The following SNX29 variants were observed in gnomAD, a reference collection of about 807,000 sequenced individuals.
SNX29 encodes sorting nexin 29, also known as sorting nexin-29.
In SNX29, 78 loss-of-function variants were observed where a neutral mutation model predicts 102.1. That is an observed-to-expected ratio of 0.76 (90% CI 0.64 to 0.92). SNX29 has a LOEUF of 0.92. Ranked by LOEUF, SNX29 falls within the 40% of genes least tolerant of loss-of-function variation. The pLI is 0.00. For synonymous variants in SNX29, 580 were observed against 414.5 expected, an observed-to-expected ratio of 1.40 and a Z score of -4.85; for missense variants, 1,280 against 1,061.7, an observed-to-expected ratio of 1.21 and a Z score of -2.86.
rs144564866 is a variant in SNX29, at chr16:12,502,569, A to C, written c.2179-22133A>C. Reference sequence around the variant, plus strand: ...CCTCATTCCCAGCCCTGTTTTACAGATAGGGAAACTGAGGTTCAGAGTGGC... The same window carrying C: ...CCTCATTCCCAGCCCTGTTTTACAGCTAGGGAAACTGAGGTTCAGAGTGGC... On this transcript the variant is annotated intron_variant, in intron 19 of 20. Coordinates refer to ENST00000566228, the MANE Select transcript of SNX29 (RefSeq NM_032167.5). Among the ~76,000 whole-genome samples the C allele has an allele frequency of 1.1e-3, 163 of 152,218 alleles. No individual in the cohort carries two copies. In the Middle Eastern group the frequency reaches 0.024, roughly 22 times the overall value.
intron 3 of SNX29, among the ~76,000 whole-genome samples, chr16:12,004,307 C>G (rs1292283461): frequency 6.6e-6 from 1 of 151,530 alleles, no homozygotes; most frequent in Non-Finnish European, 1.5e-5. Context: ...CGCCACTGTA[C>G]TCTAGCCTGG....
At chr16:12,393,396 GCATGCATGCATGCATGCATTCATTCATT>G (rs1024466050) in intron 16 of SNX29, among the ~76,000 whole-genome samples, 1 of 122,400 alleles carries the variant, frequency 8.2e-6, no homozygotes. Context: ...ATTCATTCAT[GCATGCATGCATGCATGCATTCATTCATT>G]CATTCATTCA....
At chr16:12,141,716 C>T (rs1330123488) in intron 13 of SNX29, among the ~76,000 whole-genome samples, 1 of 152,208 alleles carries the variant, frequency 6.6e-6, no homozygotes, top group African/African-American at 2.4e-5. Flanking sequence ...CCTTAGCATG[C>T]TTATGCATTC....
intron 14 of SNX29, among the ~76,000 whole-genome samples, chr16:12,259,006 C>T (rs1015393555): frequency 1.3e-5 from 2 of 152,244 alleles, no homozygotes; most frequent in African/African-American, 4.8e-5. Context: ...AGACAGAGAG[C>T]TGGATTCAGC....
chr16:12,526,499 C>T (rs1324696745), intron 20 of SNX29: 5 of 498,928 alleles, frequency 1.0e-5, no homozygotes, highest in Non-Finnish European at 1.6e-5. Context: ...GAATAGAAAA[C>T]AGTTTCTAGA....
chr16:12,113,959 G>A (rs2053591127), intron 11 of SNX29, among the ~76,000 whole-genome samples: 2 of 152,264 alleles, frequency 1.3e-5, no homozygotes, highest in Non-Finnish European at 2.9e-5. Flanking sequence ...TTTTGTAGAT[G>A]TAACATCTGA....
intron 14 of SNX29, among the ~76,000 whole-genome samples, chr16:12,272,066 A>C (rs1290562175): frequency 1.3e-5 from 2 of 152,208 alleles, no homozygotes; most frequent in Non-Finnish European, 1.5e-5. Flanking sequence ...AGGTAGTTGC[A>C]GGGGAAGGTT....
chr16:12,545,231 G>T (rs573381136), intron 20 of SNX29, among the ~76,000 whole-genome samples: 3 of 152,340 alleles, frequency 2.0e-5, no homozygotes, highest in South Asian at 2.1e-4. Context: ...GACAGGGAAA[G>T]GGCCTCTGTT....
At chr16:12,107,660 AAAG>A (rs1294436343) in intron 11 of SNX29, among the ~76,000 whole-genome samples, 1 of 151,530 alleles carries the variant, frequency 6.6e-6, no homozygotes, top group East Asian at 1.9e-4. Context: ...AAAACAAAAA[AAAG>A]AGGAGTTGCT....
chr16:12,285,761 G>T (rs2079573880), intron 15 of SNX29, among the ~76,000 whole-genome samples: 1 of 152,118 alleles, frequency 6.6e-6, no homozygotes, highest in South Asian at 2.1e-4. Flanking sequence ...TAAAATACTG[G>T]ATTTTTTATA....
At chr16:12,209,830 T>G (rs1385878765) in intron 14 of SNX29, among the ~76,000 whole-genome samples, 1 of 152,188 alleles carries the variant, frequency 6.6e-6, no homozygotes, top group Non-Finnish European at 1.5e-5. Flanking sequence ...GGCATGACTT[T>G]AGGACACTGG....
intron 19 of SNX29, among the ~76,000 whole-genome samples, chr16:12,508,275 G>T (rs1184228256): frequency 6.6e-6 from 1 of 152,170 alleles, no homozygotes; most frequent in Non-Finnish European, 1.5e-5. Context: ...GGGCGAGCTG[G>T]GCCCCATGCT....
At position 12,539,797 on chromosome 16, in the gene SNX29, A is replaced by G. The variant is rs76743428; in HGVS notation, c.2318+14956A>G. On this transcript the variant is annotated intron_variant, in intron 20 of 20. Transcript: ENST00000566228. ...CCTAATGAGTAATGATGTTGAGCATATTTTCATGTGGATGTTTTCCTTTAA... is the reference window on the plus strand; with the variant it reads ...CCTAATGAGTAATGATGTTGAGCATGTTTTCATGTGGATGTTTTCCTTTAA... 2.6e-5 allele frequency among the ~76,000 whole-genome samples: 4 copies of G among 152,266 alleles called. No individual in the cohort carries two copies. In the East Asian group the frequency reaches 7.7e-4, roughly 29 times the overall value.
intron 20 of SNX29, among the ~76,000 whole-genome samples, chr16:12,558,585 C>T (rs12928478): frequency 0.2 from 29,951 of 152,166 alleles, 3,120 homozygotes; most frequent in East Asian, 0.43. Context: ...ATCCATACAC[C>T]TGTCACTCTC....
intron 1 of SNX29, among the ~76,000 whole-genome samples, chr16:11,994,703 A>G (rs965140885): frequency 5.3e-5 from 8 of 152,092 alleles, no homozygotes; most frequent in African/African-American, 1.9e-4. Context: ...CATTGTTCCT[A>G]CTTCTCTCTG....
chr16:12,389,054 A>G (rs960698941), intron 16 of SNX29, among the ~76,000 whole-genome samples: 3 of 152,072 alleles, frequency 2.0e-5, no homozygotes, highest in Non-Finnish European at 4.4e-5. Flanking sequence ...TCCCAGGCCA[A>G]TTTTTACATC....
chr16:12,123,471 A>G (rs1315462363), intron 11 of SNX29, among the ~76,000 whole-genome samples: 19 of 152,220 alleles, frequency 1.2e-4, no homozygotes, highest in Admixed American at 1.2e-3. Flanking sequence ...ACATACATAT[A>G]CATATACATC....
chr16:12,535,075 AAAAG>A (rs2077036609), intron 20 of SNX29, among the ~76,000 whole-genome samples: 1 of 152,204 alleles, frequency 6.6e-6, no homozygotes, highest in South Asian at 2.1e-4. Flanking sequence ...ACAGTCAAGA[AAAAG>A]AGAGAGGGAG....
chr16:12,095,004 T>C (rs1320364804), intron 11 of SNX29: 2 of 152,148 alleles, frequency 1.3e-5, no homozygotes, highest in Non-Finnish European at 2.9e-5. Context: ...TGGGAGCTTT[T>C]TCGTGCCATC....
Sources: gnomAD v4.1 joint callset for allele counts (sites outside exome capture counted in the v4.1 genomes callset) on GRCh38, gnomAD v4.1.1 for gene constraint, MANE v1.5 for transcripts, NCBI Gene and HGNC (gene_info 2026-07-23, HGNC 2026-07-21) for gene names.